LINGO2: variants seen among roughly 807,000 people sequenced by gnomAD.
LINGO2 encodes leucine-rich repeat and immunoglobulin-like domain-containing nogo receptor-interacting protein 2.
In LINGO2, 14 loss-of-function variants were observed where a neutral mutation model predicts 30.6. The ratio of observed to expected loss-of-function variants is 0.46; its 90% CI spans 0.30 to 0.72. The LOEUF is 0.72. Among genes scored for constraint, LINGO2 ranks in the 30% least tolerant of loss-of-function variants. LINGO2 has a pLI of 0.07. For synonymous variants in LINGO2, 317 were observed against 288.5 expected (o/e 1.10, Z -1.00); for missense variants, 729 against 751.7 (o/e 0.97, Z 0.35).
chr9:28,855,980 C>G, the LINGO2 span, among the ~76,000 whole-genome samples: 1 of 151,956 alleles, frequency 6.6e-6, no homozygotes, highest in Non-Finnish European at 1.5e-5. Flanking sequence ...GGACCTTGAT[C>G]AGAATGAAAG....
the LINGO2 span, among the ~76,000 whole-genome samples, chr9:28,961,858 C>A: frequency 6.6e-6 from 1 of 152,166 alleles, no homozygotes. Context: ...CTACAGAAGT[C>A]TGTTTTGTTC....
rs1284504748 is a variant in LINGO2 at position 28,013,879 on chromosome 9, T to C, written c.-86-1474A>G. Among the ~76,000 whole-genome samples the C allele has an allele frequency of 2.0e-5, 3 of 152,210 alleles. 1 individual carries two copies. Among genetic ancestry groups the C allele is most frequent in the African/African-American group, 7.2e-5 (3 of 41,462 alleles). Reference sequence around the variant, plus strand: ...GTTGTCAGATTGTTAGGTGAAAGGATATTTCTGGCTAAAGAATGGGGCTTT... The same window carrying C: ...GTTGTCAGATTGTTAGGTGAAAGGACATTTCTGGCTAAAGAATGGGGCTTT... On this transcript the variant is annotated intron_variant, in intron 4 of 5. Transcript: ENST00000379992.
At chr9:28,501,587 C>G (rs1333374425) in intron 1 of LINGO2, among the ~76,000 whole-genome samples, 1 of 152,144 alleles carries the variant, frequency 6.6e-6, no homozygotes, top group Non-Finnish European at 1.5e-5. Flanking sequence ...TTACATTTCC[C>G]TAGTAAAAGC....
the LINGO2 span, among the ~76,000 whole-genome samples, chr9:29,180,095 T>C: frequency 6.6e-6 from 1 of 152,188 alleles, no homozygotes; most frequent in East Asian, 1.9e-4. Context: ...GGATGGCATA[T>C]AGTGGGGACC....
chr9:28,407,122 T>C (rs769252421), intron 2 of LINGO2, among the ~76,000 whole-genome samples: 6 of 152,002 alleles, frequency 3.9e-5, no homozygotes, highest in Non-Finnish European at 7.3e-5. Context: ...TATGCACTTA[T>C]GATAGTTTAT....
the LINGO2 span, among the ~76,000 whole-genome samples, chr9:28,966,876 G>A: frequency 6.6e-6 from 1 of 152,044 alleles, no homozygotes; most frequent in East Asian, 1.9e-4. Context: ...CCGAGAGGTA[G>A]GGGGTACACT....
chr9:28,551,954 C>T (rs1009076816), intron 1 of LINGO2, among the ~76,000 whole-genome samples: 1 of 151,954 alleles, frequency 6.6e-6, no homozygotes, highest in Admixed American at 6.6e-5. Context: ...TTCTACTCTT[C>T]CTTTTATAAA....
At chr9:28,108,349 G>A (rs1199136186) in intron 4 of LINGO2, among the ~76,000 whole-genome samples, 1 of 152,076 alleles carries the variant, frequency 6.6e-6, no homozygotes, top group East Asian at 1.9e-4. Context: ...GCAGCCAAGT[G>A]TGCTACAACT....
chr9:28,071,016 C>T (rs1485636244), intron 4 of LINGO2, among the ~76,000 whole-genome samples: 1 of 152,132 alleles, frequency 6.6e-6, no homozygotes, highest in Non-Finnish European at 1.5e-5. Flanking sequence ...TGCCTGGCCC[C>T]AGTACTACTG....
chr9:28,246,819 C>T (rs1822018363), intron 4 of LINGO2, among the ~76,000 whole-genome samples: 1 of 152,110 alleles, frequency 6.6e-6, no homozygotes. Context: ...AACAGGCATC[C>T]TACAGAGTGG....
chr9:28,844,548 T>A, the LINGO2 span, among the ~76,000 whole-genome samples: 4 of 151,846 alleles, frequency 2.6e-5, no homozygotes, highest in Non-Finnish European at 4.4e-5. Context: ...ACAACATTTT[T>A]ATAAAACATT....
chr9:28,725,210 G>A, the LINGO2 span, among the ~76,000 whole-genome samples: 375 of 152,052 alleles, frequency 2.5e-3, 1 homozygote, highest in Non-Finnish European at 3.8e-3. Flanking sequence ...CTATATGTAT[G>A]CGTATTTTTC....
In LINGO2 at chr9:28,228,658, T is replaced by C. The variant is rs547793214; in HGVS notation, c.-87+66550A>G. ...ATGTAAAATAAAGAATAGAGAGATATGTTATAAAATGATTTAAAAATCACT... is the reference window on the plus strand; with the variant it reads ...ATGTAAAATAAAGAATAGAGAGATACGTTATAAAATGATTTAAAAATCACT... On this transcript the variant is annotated intron_variant, in intron 4 of 5. Transcript: ENST00000379992. 2.8e-3 allele frequency among the ~76,000 whole-genome samples: 424 copies of C among 152,034 alleles called. 3 individuals are homozygous for C. The highest frequency in any genetic ancestry group is 4.3e-3 in the Non-Finnish European group (289 of 67,836).
the LINGO2 span, among the ~76,000 whole-genome samples, chr9:29,167,869 G>A: frequency 5.9e-5 from 9 of 152,196 alleles, no homozygotes; most frequent in African/African-American, 2.2e-4. Context: ...CATGAGAAAT[G>A]GCTTATGTAC....
At chr9:28,769,613 T>A in the LINGO2 span, among the ~76,000 whole-genome samples, 1 of 146,096 alleles carries the variant, frequency 6.8e-6, no homozygotes, top group African/African-American at 2.5e-5. Flanking sequence ...ATGTTGCCTA[T>A]CCTGTACTAC....
At chr9:28,134,759 A>C (rs1302610765) in intron 4 of LINGO2, among the ~76,000 whole-genome samples, 1 of 152,238 alleles carries the variant, frequency 6.6e-6, no homozygotes, top group Non-Finnish European at 1.5e-5. Context: ...GCCAGTGAAA[A>C]CAAGTTCTAC....
At chr9:29,060,759 A>C in the LINGO2 span, among the ~76,000 whole-genome samples, 1 of 151,958 alleles carries the variant, frequency 6.6e-6, no homozygotes, top group Non-Finnish European at 1.5e-5. Flanking sequence ...TTGAAATTAA[A>C]AAAAACTTAC....
chr9:29,197,522 G>A, the LINGO2 span, among the ~76,000 whole-genome samples: 493 of 152,034 alleles, frequency 3.2e-3, 3 homozygotes, highest in African/African-American at 0.011. Flanking sequence ...AGTTATAATG[G>A]CATTTATACG....
At chr9:28,341,402 A>G (rs1445400048) in intron 3 of LINGO2, among the ~76,000 whole-genome samples, 1 of 152,104 alleles carries the variant, frequency 6.6e-6, no homozygotes, top group Non-Finnish European at 1.5e-5. Context: ...TTTCATTGTT[A>G]CAATAATATT....
Sources: allele counts gnomAD v4.1 joint callset (sites outside exome capture counted in the v4.1 genomes callset), GRCh38; gene constraint gnomAD v4.1.1; transcripts MANE v1.5; gene names NCBI Gene and HGNC (gene_info 2026-07-23, HGNC 2026-07-21).